MGAT5: variants seen among roughly 807,000 people sequenced by gnomAD.
MGAT5 encodes alpha-1,6-mannosylglycoprotein 6-beta-N-acetylglucosaminyltransferase.
Under a neutral mutation model 94.3 loss-of-function variants are expected in MGAT5, and 30 were observed. That is an observed-to-expected ratio of 0.32 (90% CI 0.24 to 0.43). The LOEUF (loss-of-function observed/expected upper bound fraction) is 0.43, where lower values mean the gene tolerates loss of function less well. Ranked by LOEUF, MGAT5 falls within the 20% of genes least tolerant of loss-of-function variation. The pLI, the probability that MGAT5 is intolerant of heterozygous loss-of-function variation, is 1.00. For missense variants in MGAT5, 691 were observed against 905.5 expected, an observed-to-expected ratio of 0.76 and a Z score of 3.04; for synonymous variants, 310 against 322.9, an observed-to-expected ratio of 0.96 and a Z score of 0.43.
chr2:134,414,164 T>C (rs5027604), intron 12 of MGAT5, among the ~76,000 whole-genome samples: 1 of 151,246 alleles, frequency 6.6e-6, no homozygotes, highest in Non-Finnish European at 1.5e-5. Flanking sequence ...TGTGTGGTTT[T>C]TTTTTTTTTT....
At chr2:134,318,807 A>G in intron 4 of MGAT5, 68 bp downstream of exon 4, 1 of 1,140,764 alleles carries the variant, frequency 8.8e-7, no homozygotes, top group Non-Finnish European at 1.3e-6. Context: ...CTGAGTCTGA[A>G]ATTTGAAAAG....
chr2:134,164,557 G>A (rs1687877988), intron 1 of MGAT5, among the ~76,000 whole-genome samples: 1 of 151,918 alleles, frequency 6.6e-6, no homozygotes, highest in South Asian at 2.1e-4. Context: ...GGTTGCACAG[G>A]GTGGTTATTC....
At chr2:134,170,625 A>G (rs1688158602) in intron 1 of MGAT5, among the ~76,000 whole-genome samples, 1 of 152,210 alleles carries the variant, frequency 6.6e-6, no homozygotes, top group South Asian at 2.1e-4. Context: ...AGTCCTTAAG[A>G]ATAAGTTAGT....
intron 2 of MGAT5, among the ~76,000 whole-genome samples, chr2:134,292,197 G>A (rs950560391): frequency 2.6e-5 from 4 of 152,144 alleles, no homozygotes; most frequent in African/African-American, 7.2e-5. Context: ...TTCAGATTGC[G>A]TCTGGGTCCT....
chr2:134,238,641 C>T (rs1041785264), intron 1 of MGAT5, among the ~76,000 whole-genome samples: 1 of 152,172 alleles, frequency 6.6e-6, no homozygotes, highest in Non-Finnish European at 1.5e-5. Context: ...AAGGCTGTTG[C>T]CCTGATGAAA....
At chr2:134,242,695 C>T (rs1682034826) in intron 1 of MGAT5, among the ~76,000 whole-genome samples, 1 of 152,218 alleles carries the variant, frequency 6.6e-6, no homozygotes, top group Non-Finnish European at 1.5e-5. Context: ...TCAGTGCTAC[C>T]TTTCCACAGA....
At chr2:134,356,651 A>G (rs961166484) in intron 9 of MGAT5, among the ~76,000 whole-genome samples, 3 of 152,140 alleles carry the variant, frequency 2.0e-5, no homozygotes, top group Non-Finnish European at 2.9e-5. Context: ...GGAACATCCT[A>G]GTTGTGGCAA....
chr2:134,378,906 G>A (rs749031396), intron 10 of MGAT5, among the ~76,000 whole-genome samples: 1 of 152,152 alleles, frequency 6.6e-6, no homozygotes, highest in Non-Finnish European at 1.5e-5. Context: ...ATGAGCCATC[G>A]CGCCTGGCCT....
intron 10 of MGAT5, among the ~76,000 whole-genome samples, chr2:134,367,647 TG>T (rs1680519103): frequency 6.6e-6 from 1 of 152,368 alleles, no homozygotes; most frequent in South Asian, 2.1e-4. Flanking sequence ...CAACAGTCCC[TG>T]GCATTGATCT....
intron 10 of MGAT5, among the ~76,000 whole-genome samples, chr2:134,394,955 G>GTGA (rs1361576263): frequency 6.6e-6 from 1 of 152,198 alleles, no homozygotes; most frequent in Non-Finnish European, 1.5e-5. Context: ...ACCTTCCACT[G>GTGA]TGACAGCCCT....
chr2:134,399,557 G>T (rs917631603), intron 10 of MGAT5, among the ~76,000 whole-genome samples: 2 of 152,180 alleles, frequency 1.3e-5, no homozygotes, highest in Non-Finnish European at 2.9e-5. Context: ...GCATTAGGGG[G>T]GTTGCTGGTT....
chr2:134,349,739 G>A, intron 8 of MGAT5, 66 bp from the exon 9 acceptor site: 1 of 1,580,442 alleles, frequency 6.3e-7, no homozygotes, highest in Non-Finnish European at 8.6e-7. Flanking sequence ...GGAAGGGTTA[G>A]AGCTTTTACC....
chr2:134,140,051 C>T (rs1274340665), intron 1 of MGAT5, among the ~76,000 whole-genome samples: 2 of 152,188 alleles, frequency 1.3e-5, no homozygotes, highest in African/African-American at 4.8e-5. Context: ...GTCCTTCCTC[C>T]ATCAGGAGTG....
chr2:134,182,393 C>T (rs890390740), intron 1 of MGAT5, among the ~76,000 whole-genome samples: 3 of 152,206 alleles, frequency 2.0e-5, no homozygotes, highest in East Asian at 3.9e-4. Context: ...GGCATCTGTC[C>T]GCAGGAAACT....
rs185584202 is a variant in MGAT5 at position 134,203,863 on chromosome 2, C to G, written c.-142-50399C>G. Among the ~76,000 whole-genome samples, 6 of 152,316 alleles carry G rather than the reference C, an allele frequency of 3.9e-5. No individual in the cohort carries two copies. In the East Asian group the frequency reaches 7.7e-4, roughly 20 times the overall value. On this transcript the variant is annotated intron_variant, in intron 1 of 16. Transcript: ENST00000409645. ...TAGGCACTTGTTTAAGTTGGCCTCACACCTCTCTGGACATTCATTTCTTCA... is the reference window on the plus strand; with the variant it reads ...TAGGCACTTGTTTAAGTTGGCCTCAGACCTCTCTGGACATTCATTTCTTCA...
intron 1 of MGAT5, among the ~76,000 whole-genome samples, chr2:134,220,444 G>T (rs917073808): frequency 6.6e-6 from 1 of 152,120 alleles, no homozygotes. Flanking sequence ...CCCAATAATA[G>T]TTGTTGGGGT....
intron 1 of MGAT5, among the ~76,000 whole-genome samples, chr2:134,198,948 T>C (rs1403445409): frequency 6.6e-6 from 1 of 152,216 alleles, no homozygotes; most frequent in Non-Finnish European, 1.5e-5. Flanking sequence ...ATGGTATTTG[T>C]GTGTTGTTAC....
intron 1 of MGAT5, among the ~76,000 whole-genome samples, chr2:134,198,183 T>G (rs1479454706): frequency 6.6e-6 from 1 of 152,154 alleles, no homozygotes; most frequent in African/African-American, 2.4e-5. Flanking sequence ...TATTGAAAAA[T>G]GAAACTGATT....
intron 2 of MGAT5, among the ~76,000 whole-genome samples, chr2:134,296,020 G>A (rs1291195285): frequency 3.3e-5 from 5 of 152,170 alleles, no homozygotes; most frequent in Non-Finnish European, 7.3e-5. Flanking sequence ...GTGTTTGGCA[G>A]CCTCATGCAA....
Sources: gnomAD v4.1 joint callset for allele counts (sites outside exome capture counted in the v4.1 genomes callset) on GRCh38, gnomAD v4.1.1 for gene constraint, MANE v1.5 for transcripts, NCBI Gene and HGNC (gene_info 2026-07-23, HGNC 2026-07-21) for gene names.